The following INO80 variants were observed in gnomAD, a reference collection of about 807,000 sequenced individuals.
INO80 encodes chromatin-remodeling ATPase INO80.
A neutral mutation model predicts 203.4 loss-of-function variants in INO80; 20 were observed. The ratio of observed to expected loss-of-function variants is 0.10; its 90% CI spans 0.07 to 0.14. The LOEUF (loss-of-function observed/expected upper bound fraction) is 0.14, where lower values mean the gene tolerates loss of function less well. Among genes scored for constraint, INO80 ranks in the 10% least tolerant of loss-of-function variants. The pLI is 1.00. For missense variants in INO80, 1,419 were observed against 1,914.4 expected, an observed-to-expected ratio of 0.74 and a Z score of 4.83; for synonymous variants, 726 against 685.2, an observed-to-expected ratio of 1.06 and a Z score of -0.93.
intron 30 of INO80, 99 bp from the exon 31 acceptor site, chr15:40,987,292 G>A (rs2043750447): frequency 3.0e-6 from 2 of 661,828 alleles, no homozygotes; most frequent in Non-Finnish European, 5.3e-6. Context: ...ACTCCTCAGG[G>A]GAGGCCTCTG....
chr15:41,054,602 A>C (rs1036527687), intron 18 of INO80, among the ~76,000 whole-genome samples: 1 of 152,108 alleles, frequency 6.6e-6, no homozygotes, highest in African/African-American at 2.4e-5. Context: ...GACCCATTAG[A>C]CCCATAGCAT....
At position 40,979,895 on chromosome 15, in the gene INO80, A is replaced by G. The variant is rs1264056351; in HGVS notation, c.*328T>C. The stretch of plus-strand genomic sequence containing the variant: ...GTCAGAGCCGAAGAGTGGAATCGGG[A>G]TGGAAACAGTATGCCTGAGCATCTA... On this transcript the variant is annotated 3_prime_UTR_variant, in exon 36 of 36. Transcript: ENST00000648947. 1.1e-5 allele frequency: 4 copies of G among 348,120 alleles called. No homozygotes were observed. Among genetic ancestry groups the G allele is most frequent in the Non-Finnish European group, 2.2e-5 (4 of 184,196 alleles). 21.6% of individuals were successfully genotyped at this position (348,120 alleles called of 1,614,324 possible).
chr15:41,112,368 A>T (rs1223012005), intron 1 of INO80, among the ~76,000 whole-genome samples: 2 of 151,742 alleles, frequency 1.3e-5, no homozygotes, highest in African/African-American at 4.8e-5. Flanking sequence ...ATGATAATAT[A>T]TAAAGTATCT....
chr15:41,109,678 T>A (rs1332771823), intron 1 of INO80, among the ~76,000 whole-genome samples: 1 of 151,292 alleles, frequency 6.6e-6, no homozygotes, highest in African/African-American at 2.4e-5. Context: ...ACACCTGTAA[T>A]CCCAGCACTT....
At chr15:41,008,734 C>T (rs1387073405) in intron 27 of INO80, among the ~76,000 whole-genome samples, 1 of 152,228 alleles carries the variant, frequency 6.6e-6, no homozygotes, top group Non-Finnish European at 1.5e-5. Context: ...CCTTGCCATT[C>T]AGCATGGCCC....
intron 1 of INO80, among the ~76,000 whole-genome samples, chr15:41,100,914 C>T (rs2045799761): frequency 1.3e-5 from 2 of 151,514 alleles, no homozygotes; most frequent in Admixed American, 1.3e-4. Context: ...CTACAATCTC[C>T]GCCTCCTGGG....
intron 27 of INO80, among the ~76,000 whole-genome samples, chr15:41,014,098 G>A (rs751440723): frequency 2.0e-5 from 3 of 152,076 alleles, no homozygotes; most frequent in Admixed American, 6.6e-5. Flanking sequence ...AGAAGTGTGC[G>A]ATACACCGAG....
At chr15:41,047,270 A>ACTTTATT in intron 23 of INO80, 138 bp downstream of exon 23, 1 of 687,900 alleles carries the variant, frequency 1.5e-6, no homozygotes, top group Non-Finnish European at 2.4e-6. Context: ...CAGCCTACAA[A>ACTTTATT]CTTTATTCTT....
intron 29 of INO80, among the ~76,000 whole-genome samples, chr15:40,989,554 G>T (rs144191266): frequency 6.6e-6 from 1 of 152,192 alleles, no homozygotes; most frequent in African/African-American, 2.4e-5. Context: ...TTCCATTCTA[G>T]ACCAGGCCCT....
intron 9 of INO80, 110 bp downstream of exon 9, chr15:41,079,591 C>CA: frequency 1.5e-6 from 1 of 654,302 alleles, no homozygotes; most frequent in Non-Finnish European, 2.5e-6. Context: ...AAAAAAAAAA[C>CA]AAAAAATTGA....
intron 7 of INO80, among the ~76,000 whole-genome samples, chr15:41,081,801 A>C (rs907420051): frequency 1.3e-5 from 2 of 152,316 alleles, no homozygotes; most frequent in South Asian, 4.1e-4. Flanking sequence ...AATGGGTTCA[A>C]AGTGACAAAG....
At chr15:41,021,639 G>C (rs777192626) in intron 25 of INO80, among the ~76,000 whole-genome samples, 3 of 152,192 alleles carry the variant, frequency 2.0e-5, no homozygotes, top group Non-Finnish European at 4.4e-5. Flanking sequence ...TCCCTGACCA[G>C]GTTGCTGACT....
intron 24 of INO80, among the ~76,000 whole-genome samples, chr15:41,037,860 T>C (rs2044604455): frequency 6.6e-6 from 1 of 151,140 alleles, no homozygotes; most frequent in African/African-American, 2.4e-5. Context: ...GGAGAATCAC[T>C]TGAACCCGGG....
Position 41,049,280 on chromosome 15 carries a change from T to C in INO80, c.2576+7A>G. ...CTAATAGTGAACAGATAGTAATACT[T>C]CCCTACCTGTCTCGTGAATGATTGA... On this transcript the variant is annotated splice_region_variant and intron_variant, in intron 21 of 35. Transcript: ENST00000648947. The C allele has an allele frequency of 2.5e-6, 4 of 1,610,370 alleles. No homozygotes were observed. Among genetic ancestry groups the C allele is most frequent in the Non-Finnish European group, 3.4e-6 (4 of 1,178,006 alleles).
chr15:41,056,172 C>T (rs1449779696), intron 17 of INO80, among the ~76,000 whole-genome samples: 1 of 151,948 alleles, frequency 6.6e-6, no homozygotes, highest in East Asian at 1.9e-4. Context: ...TCTTGAACTG[C>T]TGGGTTCAAG....
At chr15:41,092,639 G>A (rs1332589214) in intron 4 of INO80, among the ~76,000 whole-genome samples, 2 of 152,136 alleles carry the variant, frequency 1.3e-5, no homozygotes, top group Non-Finnish European at 2.9e-5. Flanking sequence ...ATAATGAGAT[G>A]TAATTCAGCC....
intron 19 of INO80, among the ~76,000 whole-genome samples, chr15:41,052,466 A>G (rs2044891951): frequency 6.6e-6 from 1 of 151,886 alleles, no homozygotes; most frequent in South Asian, 2.1e-4. Context: ...GGAGTCCAGG[A>G]GTTCAAGACT....
chr15:41,032,151 C>T (rs1249137926), intron 24 of INO80, among the ~76,000 whole-genome samples: 1 of 152,140 alleles, frequency 6.6e-6, no homozygotes, highest in Non-Finnish European at 1.5e-5. Context: ...CAGACCTAGA[C>T]TTACTCATTT....
chr15:41,022,132 G>A (rs901227960), intron 25 of INO80, among the ~76,000 whole-genome samples: 6 of 152,228 alleles, frequency 3.9e-5, no homozygotes, highest in African/African-American at 1.4e-4. Flanking sequence ...GGAGCATTTT[G>A]GGTTTGGGAT....
Sources: allele counts gnomAD v4.1 joint callset (sites outside exome capture counted in the v4.1 genomes callset), GRCh38; gene constraint gnomAD v4.1.1; transcripts MANE v1.5; gene names NCBI Gene and HGNC (gene_info 2026-07-23, HGNC 2026-07-21).